Variants in CELF2 observed in about 807,000 individuals in gnomAD.
CELF2 encodes the protein CUGBP Elav-like family member 2.
A neutral mutation model predicts 62.6 loss-of-function variants in CELF2; 8 were observed. The ratio of observed to expected loss-of-function variants is 0.13; its 90% CI spans 0.07 to 0.23. CELF2 has a LOEUF of 0.23. Ranked by LOEUF, CELF2 falls within the 10% of genes least tolerant of loss-of-function variation. CELF2 has a pLI of 1.00. For missense variants in CELF2, 333 were observed against 671.0 expected, an observed-to-expected ratio of 0.50 and a Z score of 5.56; for synonymous variants, 258 against 250.0, an observed-to-expected ratio of 1.03 and a Z score of -0.30.
At chr10:10,890,256 C>T (rs2062036676) in intron 1 of CELF2, among the ~76,000 whole-genome samples, 2 of 152,132 alleles carry the variant, frequency 1.3e-5, no homozygotes, top group Non-Finnish European at 2.9e-5. Flanking sequence ...TTCCATATAA[C>T]TTTATGTCTA....
At chr10:11,112,497 G>A (rs971664008) in intron 1 of CELF2, among the ~76,000 whole-genome samples, 1 of 152,222 alleles carries the variant, frequency 6.6e-6, no homozygotes, top group African/African-American at 2.4e-5. Context: ...ACATTCACAT[G>A]AGAGGGACTA....
At chr10:10,941,875 T>C (rs577387829) in intron 2 of CELF2, among the ~76,000 whole-genome samples, 1 of 151,374 alleles carries the variant, frequency 6.6e-6, no homozygotes, top group Non-Finnish European at 1.5e-5. Flanking sequence ...GTGCCTGTAA[T>C]CCCAGCCACT....
chr10:11,073,435 G>A (rs928502640), intron 1 of CELF2, among the ~76,000 whole-genome samples: 9 of 152,270 alleles, frequency 5.9e-5, no homozygotes, highest in African/African-American at 1.4e-4. Flanking sequence ...ATTGAAACAC[G>A]CCGGGATGTT....
the CELF2 span, among the ~76,000 whole-genome samples, chr10:10,572,435 G>A: frequency 1.1e-4 from 16 of 151,784 alleles, no homozygotes; most frequent in South Asian, 6.3e-4. Context: ...GTGGTTTGCC[G>A]CACCTATCAA....
At chr10:11,088,497 C>A (rs971858201) in intron 1 of CELF2, among the ~76,000 whole-genome samples, 5 of 152,002 alleles carry the variant, frequency 3.3e-5, no homozygotes, top group African/African-American at 1.2e-4. Flanking sequence ...ATGGTTAGAC[C>A]TGTGGTTTAA....
At chr10:10,897,826 G>C (rs2062668847) in intron 1 of CELF2, among the ~76,000 whole-genome samples, 1 of 152,162 alleles carries the variant, frequency 6.6e-6, no homozygotes, top group South Asian at 2.1e-4. Context: ...GAACTTCTAG[G>C]CTTCTACAGG....
At chr10:10,561,109 T>C in the CELF2 span, among the ~76,000 whole-genome samples, 11 of 152,010 alleles carry the variant, frequency 7.2e-5, no homozygotes, top group Non-Finnish European at 1.2e-4. Flanking sequence ...CTCACAAATA[T>C]CCACTAAAGA....
intron 1 of CELF2, among the ~76,000 whole-genome samples, chr10:11,126,184 T>C (rs1340054012): frequency 2.0e-5 from 3 of 152,220 alleles, no homozygotes; most frequent in African/African-American, 4.8e-5. Flanking sequence ...CAGTTCTCTG[T>C]GTTTTTATTT....
intron 5 of CELF2, among the ~76,000 whole-genome samples, chr10:11,261,523 A>G (rs1191331529): frequency 6.6e-6 from 1 of 151,824 alleles, no homozygotes; most frequent in Admixed American, 6.6e-5. Flanking sequence ...CAGGGCAGAC[A>G]CCCTCAGGAA....
chr10:11,248,765 A>G (rs2076326917), intron 3 of CELF2, among the ~76,000 whole-genome samples: 1 of 152,242 alleles, frequency 6.6e-6, no homozygotes, highest in African/African-American at 2.4e-5. Context: ...TGTTACCTCC[A>G]TCTCACAGAT....
At chr10:10,942,767 GGA>G (rs2047188681) in intron 2 of CELF2, among the ~76,000 whole-genome samples, 1 of 152,114 alleles carries the variant, frequency 6.6e-6, no homozygotes, top group Non-Finnish European at 1.5e-5. Flanking sequence ...GCTATATGAT[GGA>G]GAGTTATTTT....
At chr10:10,970,095 G>T (rs374589214) in intron 2 of CELF2, among the ~76,000 whole-genome samples, 5 of 152,008 alleles carry the variant, frequency 3.3e-5, no homozygotes, top group Admixed American at 2.6e-4. Flanking sequence ...TTGAGACAGG[G>T]TCTCACTCTG....
At chr10:10,512,766 C>T in the CELF2 span, among the ~76,000 whole-genome samples, 6 of 152,160 alleles carry the variant, frequency 3.9e-5, no homozygotes, top group African/African-American at 1.4e-4. Context: ...GCTGTTTGGT[C>T]AGTTCCTCCC....
intron 1 of CELF2, among the ~76,000 whole-genome samples, chr10:10,912,576 G>C (rs1418903345): frequency 2.6e-5 from 4 of 152,120 alleles, no homozygotes; most frequent in Non-Finnish European, 4.4e-5. Context: ...CACCATATTG[G>C]CCAGGGTGGT....
intron 4 of CELF2, among the ~76,000 whole-genome samples, chr10:11,252,517 C>T (rs1004616144): frequency 5.9e-5 from 9 of 152,206 alleles, no homozygotes; most frequent in Non-Finnish European, 1.0e-4. Flanking sequence ...GAAAAGCAGT[C>T]ACCCTTGGCA....
At chr10:10,606,990 C>T in the CELF2 span, among the ~76,000 whole-genome samples, 2 of 152,102 alleles carry the variant, frequency 1.3e-5, no homozygotes, top group African/African-American at 4.8e-5. Context: ...AATTCTATGG[C>T]TATTTTAATT....
chr10:11,034,810 G>A (rs1182339416), intron 1 of CELF2, among the ~76,000 whole-genome samples: 1 of 152,104 alleles, frequency 6.6e-6, no homozygotes, highest in Non-Finnish European at 1.5e-5. Context: ...AACTTCTGTA[G>A]CAGAGCTCTG....
At chr10:10,700,664 T>C in the CELF2 span, among the ~76,000 whole-genome samples, 4 of 152,348 alleles carry the variant, frequency 2.6e-5, no homozygotes, top group South Asian at 8.3e-4. Context: ...TATCTCCTAG[T>C]GACTCCTGTA....
chr10:11,193,998 G>C (rs996529304), intron 2 of CELF2, among the ~76,000 whole-genome samples: 3 of 152,120 alleles, frequency 2.0e-5, no homozygotes, highest in African/African-American at 7.2e-5. Context: ...TTACAGTGTT[G>C]AAACTCTCAT....
Sources: allele counts gnomAD v4.1 joint callset (sites outside exome capture counted in the v4.1 genomes callset), GRCh38; gene constraint gnomAD v4.1.1; transcripts MANE v1.5; gene names NCBI Gene and HGNC (gene_info 2026-07-23, HGNC 2026-07-21).